The following RASL10B variants were observed in gnomAD, a reference collection of about 807,000 sequenced individuals.
RASL10B encodes the protein ras-like protein family member 10B.
In RASL10B, 10 loss-of-function variants were observed where a neutral mutation model predicts 20.7. That is an observed-to-expected ratio of 0.48 (90% CI 0.30 to 0.82). RASL10B has a LOEUF of 0.82. Among genes scored for constraint, RASL10B ranks in the 40% least tolerant of loss-of-function variants. The probability of loss-of-function intolerance (pLI) is 0.07; values close to 1 mark genes in which losing one functional copy is unlikely to be tolerated. For synonymous variants in RASL10B, 110 were observed against 123.3 expected, an observed-to-expected ratio of 0.89 and a Z score of 0.72; for missense variants, 231 against 295.4, an observed-to-expected ratio of 0.78 and a Z score of 1.60.
intron 2 of RASL10B, among the ~76,000 whole-genome samples, chr17:35,738,098 T>G (rs782094068): frequency 4.6e-5 from 7 of 152,022 alleles, no homozygotes; most frequent in Non-Finnish European, 7.4e-5. Flanking sequence ...TGAGATATGA[T>G]ATTCTCCTTG....
chr17:35,741,373 G>A lies in RASL10B; in HGVS notation c.*68G>A, dbSNP rs922563247. 24 of 1,366,784 alleles carry A rather than the reference G, an allele frequency of 1.8e-5. No homozygotes were observed. In the African/African-American group the frequency reaches 3.5e-4, roughly 20 times the overall value. 84.7% of individuals were successfully genotyped at this position (1,366,784 alleles called of 1,614,324 possible). A position where few individuals can be genotyped will look rare whatever the true frequency, so the allele number is the denominator to read the frequency against. The stretch of plus-strand genomic sequence containing the variant: ...AGGGCGGGGCCGTACTGCGGGGCTG[G>A]GGCGGGGAGCGGGCGGGAAATGGAA... On this transcript the variant is annotated 3_prime_UTR_variant, in exon 4 of 4. Transcript: ENST00000603017.
At chr17:35,734,567 C>T (rs1167943059) in intron 1 of RASL10B, among the ~76,000 whole-genome samples, 3 of 152,138 alleles carry the variant, frequency 2.0e-5, no homozygotes, top group African/African-American at 7.2e-5. Flanking sequence ...GCAGTTACCT[C>T]TTGGGGGCCA....
At chr17:35,738,549 A>G (rs782526672) in intron 2 of RASL10B, among the ~76,000 whole-genome samples, 11 of 152,186 alleles carry the variant, frequency 7.2e-5, no homozygotes, top group Non-Finnish European at 1.3e-4. Flanking sequence ...CAAAGGAATT[A>G]TCAGCAAATG....
chr17:35,733,168 C>T (rs2085569782), intron 1 of RASL10B, among the ~76,000 whole-genome samples: 1 of 152,204 alleles, frequency 6.6e-6, no homozygotes, highest in Non-Finnish European at 1.5e-5. Flanking sequence ...CTCACGCACA[C>T]TGCATGCATG....
At chr17:35,734,796 G>A (rs1408491611) in intron 1 of RASL10B, among the ~76,000 whole-genome samples, 2 of 152,168 alleles carry the variant, frequency 1.3e-5, no homozygotes, top group Non-Finnish European at 1.5e-5. Flanking sequence ...AGCCTGTTTT[G>A]GTTGGAGTTG....
rs1025831710 is a variant in RASL10B, at chr17:35,741,319, C to T, written c.*14C>T. ...GCCATCATGTGACGCCTGCGCGCCCCTCGGGCTGCACCGGCACTGGCCGAG... is the reference window on the plus strand; with the variant it reads ...GCCATCATGTGACGCCTGCGCGCCCTTCGGGCTGCACCGGCACTGGCCGAG... On this transcript the variant is annotated 3_prime_UTR_variant, in exon 4 of 4. Coordinates refer to ENST00000603017, the MANE Select transcript of RASL10B (RefSeq NM_033315.4). 8.2e-6 allele frequency: 12 copies of T among 1,455,910 alleles called. No individual in the cohort carries two copies. In the African/African-American group the frequency reaches 8.7e-5, roughly 11 times the overall value. The allele number at this position is 1,455,910 out of a possible 1,614,324, so 90.2% of individuals were successfully genotyped here.
intron 2 of RASL10B, among the ~76,000 whole-genome samples, chr17:35,738,736 T>C (rs2085610542): frequency 6.6e-6 from 1 of 152,132 alleles, no homozygotes; most frequent in Non-Finnish European, 1.5e-5. Context: ...CTCCTCTCTC[T>C]TTTAGGAACC....
chr17:35,733,129 A>G (rs1378566541), intron 1 of RASL10B, among the ~76,000 whole-genome samples: 1 of 152,098 alleles, frequency 6.6e-6, no homozygotes, highest in African/African-American at 2.4e-5. Flanking sequence ...TTTGTTTTTT[A>G]AACCTTCAAT....
intron 2 of RASL10B, among the ~76,000 whole-genome samples, chr17:35,738,544 G>A (rs2085609239): frequency 1.3e-5 from 2 of 152,102 alleles, no homozygotes; most frequent in Admixed American, 1.3e-4. Context: ...CTCACCAAAG[G>A]AATTATCAGC....
In RASL10B at chr17:35,734,989, C is replaced by G. The variant is rs187968843; in HGVS notation, c.-147-49C>G. 15 of 604,580 alleles carry G rather than the reference C, an allele frequency of 2.5e-5. No homozygotes were observed. In the Admixed American group the frequency reaches 3.5e-4, roughly 14 times the overall value. The allele number at this position is 604,580 out of a possible 1,614,324, so 37.5% of individuals were successfully genotyped here. A position where few individuals can be genotyped will look rare whatever the true frequency, so the allele number is the denominator to read the frequency against. On this transcript the variant is annotated intron_variant, in intron 1 of 3. Transcript: ENST00000603017. ...GTCCCAAAGGTGGAAAAGTGCAGGA[C>G]ACGTCCAGGGATAAGCCAGTGCACT... is the stretch of plus-strand genomic sequence containing the variant.
At position 35,741,254 on chromosome 17, in the gene RASL10B, T is replaced by C; in HGVS notation, c.561T>C (p.Ala187=). The C allele has an allele frequency of 1.3e-6, 2 of 1,569,320 alleles. No homozygotes were observed. The highest frequency in any genetic ancestry group is 1.7e-6 in the Non-Finnish European group (2 of 1,156,872). Residue 187 remains alanine (A), a synonymous_variant, in exon 4 of 4, where the codon GCT becomes GCC. Coordinates refer to ENST00000603017, the MANE Select transcript of RASL10B (RefSeq NM_033315.4). ...GCGCCCGTTGCAAGCACGTGCACGC[T>C]GCCCTGCGCTTCCAGGGCGCGCTGC... ...VGCARCKHVH[A]ALRFQGALRR...
At position 35,735,310 on chromosome 17, in the gene RASL10B, C is replaced by G. The variant is rs782328699; in HGVS notation, c.126C>G (p.Tyr42Ter). 6.2e-7 allele frequency: 1 copy of G among 1,614,172 alleles called. No homozygotes were observed. Among genetic ancestry groups the G allele is most frequent in the East Asian group, 2.2e-5 (1 of 44,894 alleles). ...VCVPTTARRL[Y>*]LPAVVMNGHV... is the part of the protein sequence containing the mutation. ...TCCCCACCACCGCCCGCCGCCTTTA[C>G]CTGCCTGCTGTCGTCATGAACGGCC... Residue 42 changes from tyrosine (Y) to a stop codon, truncating the protein, a stop_gained, in exon 2 of 4, where the codon TAC (tyrosine) becomes TAG (stop). Coordinates refer to ENST00000603017, the MANE Select transcript of RASL10B (RefSeq NM_033315.4). LOFTEE classifies it high-confidence loss of function. The surrounding 1 kb of genome is among the most constrained non-coding windows in gnomAD (Gnocchi z 6.7).
At chr17:35,732,039 G>A (rs1258309805) in intron 1 of RASL10B, among the ~76,000 whole-genome samples, 161 bp downstream of exon 1, 2 of 151,646 alleles carry the variant, frequency 1.3e-5, no homozygotes, top group Non-Finnish European at 2.9e-5. Flanking sequence ...GCGGCGCGGG[G>A]CCGCCACGTG....
rs1276560063 is a variant in RASL10B, at chr17:35,741,647, A to G, written c.*342A>G. ...GAGGTGCCGCCTTGGCCGGGCCCCCACGTGTCTTCTCCAGAATGTGTCTGT... is the reference window on the plus strand; with the variant it reads ...GAGGTGCCGCCTTGGCCGGGCCCCCGCGTGTCTTCTCCAGAATGTGTCTGT... On this transcript the variant is annotated 3_prime_UTR_variant, in exon 4 of 4. Transcript: ENST00000603017. The G allele has an allele frequency of 3.3e-6, 1 of 300,292 alleles. No homozygotes were observed. The highest frequency in any genetic ancestry group is 6.1e-6 in the Non-Finnish European group (1 of 163,844). The allele number at this position is 300,292 out of a possible 1,614,324, so 18.6% of individuals were successfully genotyped here. A position where few individuals can be genotyped will look rare whatever the true frequency, so the allele number is the denominator to read the frequency against.
At chr17:35,737,845 G>C (rs1427578065) in intron 2 of RASL10B, among the ~76,000 whole-genome samples, 2 of 151,008 alleles carry the variant, frequency 1.3e-5, no homozygotes, top group African/African-American at 4.9e-5. Flanking sequence ...TGAGGCTGCA[G>C]TGAGCTGAGA....
intron 1 of RASL10B, among the ~76,000 whole-genome samples, chr17:35,732,274 C>A (rs1380428573): frequency 6.6e-6 from 1 of 152,210 alleles, no homozygotes; most frequent in Non-Finnish European, 1.5e-5. Flanking sequence ...TGGGCAGCGA[C>A]CCAGGTGTCC....
chr17:35,737,653 A>G (rs2085601948), intron 2 of RASL10B, among the ~76,000 whole-genome samples: 1 of 152,074 alleles, frequency 6.6e-6, no homozygotes, highest in Non-Finnish European at 1.5e-5. Context: ...TATAATCCCA[A>G]CACTTTGAGA....
chr17:35,737,716 A>G (rs1382265051), intron 2 of RASL10B, among the ~76,000 whole-genome samples: 3 of 152,056 alleles, frequency 2.0e-5, no homozygotes, highest in Non-Finnish European at 4.4e-5. Context: ...AGCCTGGGCA[A>G]CATGACAAAA....
In RASL10B at chr17:35,741,357, C is replaced by T; in HGVS notation, c.*52C>T. 1 of 1,386,302 alleles carries T rather than the reference C, an allele frequency of 7.2e-7. No homozygotes were observed. Among genetic ancestry groups the T allele is most frequent in the Non-Finnish European group, 9.3e-7 (1 of 1,076,316 alleles). 85.9% of individuals were successfully genotyped at this position (1,386,302 alleles called of 1,614,324 possible). A position where few individuals can be genotyped will look rare whatever the true frequency, so the allele number is the denominator to read the frequency against. On this transcript the variant is annotated 3_prime_UTR_variant, in exon 4 of 4. Transcript: ENST00000603017. ...GGCACTGGCCGAGCGGAGGGCGGGG[C>T]CGTACTGCGGGGCTGGGGCGGGGAG... is the stretch of plus-strand genomic sequence containing the variant.
Sources: allele counts gnomAD v4.1 joint callset (sites outside exome capture counted in the v4.1 genomes callset), GRCh38; gene constraint gnomAD v4.1.1; non-coding constraint Gnocchi (gnomAD v3.1); transcripts MANE v1.5; gene names NCBI Gene and HGNC (gene_info 2026-07-23, HGNC 2026-07-21).